Variants in CEP126 observed in about 807,000 individuals in gnomAD.
The protein encoded by CEP126 is centrosomal protein of 126 kDa.
A neutral mutation model predicts 107.8 loss-of-function variants in CEP126; 74 were observed. That is an observed-to-expected ratio of 0.69 (90% CI 0.57 to 0.83). CEP126 has a LOEUF of 0.83. Ranked by LOEUF, CEP126 falls within the 40% of genes least tolerant of loss-of-function variation. The pLI is 0.00. For missense variants in CEP126, 1,237 were observed against 1,281.9 expected (o/e 0.96, Z 0.53); for synonymous variants, 449 against 446.0 (o/e 1.01, Z -0.08).
intron 6 of CEP126, among the ~76,000 whole-genome samples, chr11:101,971,970 G>C (rs1006712021): frequency 6.6e-5 from 10 of 152,114 alleles, no homozygotes; most frequent in African/African-American, 2.4e-4. Flanking sequence ...TTAGCTGGGC[G>C]TGGTGGTGGG....
chr11:101,942,285 T>G (rs982457637), intron 2 of CEP126, among the ~76,000 whole-genome samples: 1 of 152,144 alleles, frequency 6.6e-6, no homozygotes, highest in African/African-American at 2.4e-5. Flanking sequence ...TGATCCACTT[T>G]GGGGTAATTT....
intron 7 of CEP126, among the ~76,000 whole-genome samples, chr11:101,978,982 A>T (rs1591292055): frequency 1.3e-5 from 2 of 151,738 alleles, no homozygotes; most frequent in Non-Finnish European, 2.9e-5. Context: ...ATACAAAAAA[A>T]TTAGCCAGGG....
Position 101,987,005 on chromosome 11 carries a change from C to G in CEP126, c.3208C>G (p.Leu1070Val). ...CTLSAEEQKILESLNDLSERL... is the reference protein window; with the variant it reads ...CTLSAEEQKIVESLNDLSERL... ...ACTGTCAGCTGAAGAACAGAAGATC[C>G]TAGAGTCCCTTAATGATCTCAGTGA... is the stretch of plus-strand genomic sequence containing the variant. Residue 1070 changes from leucine to valine, a missense_variant, in exon 9 of 11, where the codon CTA becomes GTA. Coordinates refer to ENST00000263468, the MANE Select transcript of CEP126 (RefSeq NM_020802.4). The G allele has an allele frequency of 1.9e-6, 3 of 1,612,916 alleles. No individual in the cohort carries two copies. The highest frequency in any genetic ancestry group is 1.3e-5 in the African/African-American group (1 of 74,996).
At chr11:101,978,325 A>C in intron 6 of CEP126, 22 bp from the exon 7 acceptor site, 1 of 1,520,450 alleles carries the variant, frequency 6.6e-7, no homozygotes, top group Non-Finnish European at 9.1e-7. Context: ...AATTTTTAAC[A>C]TTGTGCTGGC....
At chr11:101,974,196 T>C (rs376031444) in intron 6 of CEP126, among the ~76,000 whole-genome samples, 67 of 152,330 alleles carry the variant, frequency 4.4e-4, no homozygotes, top group African/African-American at 1.6e-3. Flanking sequence ...AAGGTCACTA[T>C]AATTTTGGAC....
intron 4 of CEP126, among the ~76,000 whole-genome samples, chr11:101,949,871 C>T (rs948643537): frequency 3.3e-5 from 5 of 152,156 alleles, no homozygotes; most frequent in Admixed American, 6.5e-5. Context: ...AGAAGAAGGA[C>T]GCTGGACAGG....
At chr11:101,917,038 G>A (rs1216572669) in intron 1 of CEP126, among the ~76,000 whole-genome samples, 17 of 130,114 alleles carry the variant, frequency 1.3e-4, no homozygotes, top group Non-Finnish European at 3.2e-5. Context: ...ATGTGTGTGT[G>A]TGTGTGTGTG....
At chr11:101,974,710 TG>T (rs1156864979) in intron 6 of CEP126, among the ~76,000 whole-genome samples, 2 of 152,194 alleles carry the variant, frequency 1.3e-5, no homozygotes, top group African/African-American at 2.4e-5. Flanking sequence ...ACTAGGAATT[TG>T]GCCAGAGATA....
chr11:101,922,256 C>G (rs1940340310), intron 1 of CEP126, among the ~76,000 whole-genome samples: 1 of 151,708 alleles, frequency 6.6e-6, no homozygotes, highest in South Asian at 2.1e-4. Flanking sequence ...CCTCCGCCTC[C>G]CGGGTTCAAG....
intron 2 of CEP126, among the ~76,000 whole-genome samples, chr11:101,938,085 G>A (rs950134634): frequency 2.0e-5 from 3 of 147,108 alleles, no homozygotes; most frequent in African/African-American, 5.0e-5. Flanking sequence ...CCCGGGAAGC[G>A]GAGCTTGCAG....
intron 9 of CEP126, among the ~76,000 whole-genome samples, chr11:101,991,256 CTACACACACA>C (rs1420856086): frequency 6.6e-6 from 1 of 151,992 alleles, no homozygotes; most frequent in Non-Finnish European, 1.5e-5. Context: ...CTACACACAC[CTACACACACA>C]TACACTCCAG....
chr11:101,960,717 A>G (rs2137110571), intron 5 of CEP126, among the ~76,000 whole-genome samples: 1 of 152,110 alleles, frequency 6.6e-6, no homozygotes, highest in East Asian at 1.9e-4. Flanking sequence ...ACTTACTGGG[A>G]TAGAAAAAGA....
At chr11:101,952,077 G>T (rs72970241) in intron 4 of CEP126, among the ~76,000 whole-genome samples, 2,255 of 152,250 alleles carry the variant, frequency 0.015, 21 homozygotes, top group Non-Finnish European at 0.022. Flanking sequence ...AAAGTGGCCC[G>T]AAGTTAGATA....
In CEP126 at chr11:102,000,417, TCATA is replaced by T. The variant is rs1367796485; in HGVS notation, c.*2776_*2779del. The stretch of plus-strand genomic sequence containing the variant: ...GTAATCTCAGGCCGGACATGCTGGC[TCATA>T]CCTGTAATCCCAGAACTTTGGGAGG... On this transcript the variant is annotated 3_prime_UTR_variant, in exon 11 of 11. Transcript: ENST00000263468. 2 of 152,066 alleles carry T rather than the reference TCATA, an allele frequency of 1.3e-5. No homozygotes were observed. Among genetic ancestry groups the T allele is most frequent in the Non-Finnish European group, 2.9e-5 (2 of 68,018 alleles). 9.4% of individuals were successfully genotyped at this position (152,066 alleles called of 1,614,324 possible).
chr11:101,981,093 G>T (rs1188352894), intron 7 of CEP126, among the ~76,000 whole-genome samples: 2 of 152,162 alleles, frequency 1.3e-5, no homozygotes, highest in African/African-American at 4.8e-5. Flanking sequence ...TTTTGCCAGT[G>T]TTCTGAGACT....
At chr11:101,978,698 A>G (rs559305486) in intron 7 of CEP126, among the ~76,000 whole-genome samples, 1 of 152,352 alleles carries the variant, frequency 6.6e-6, no homozygotes, top group South Asian at 2.1e-4. Flanking sequence ...ACTTTAAATC[A>G]TTATTATTAT....
intron 5 of CEP126, among the ~76,000 whole-genome samples, chr11:101,959,621 A>T (rs190178320): frequency 3.3e-4 from 50 of 152,368 alleles, no homozygotes; most frequent in African/African-American, 1.1e-3. Flanking sequence ...AGATGATGGA[A>T]TTAACCAACA....
At chr11:101,971,218 G>A (rs190836390) in intron 6 of CEP126, among the ~76,000 whole-genome samples, 16 of 151,926 alleles carry the variant, frequency 1.1e-4, no homozygotes, top group African/African-American at 3.9e-4. Flanking sequence ...CAGGTGCTCC[G>A]CCTCCCTAGG....
chr11:101,915,469 T>G, intron 1 of CEP126, 57 bp downstream of exon 1: 1 of 1,563,606 alleles, frequency 6.4e-7, no homozygotes, highest in Non-Finnish European at 8.7e-7. Flanking sequence ...GGGCCCATCT[T>G]TTTCCAATTA....
Sources: allele counts gnomAD v4.1 joint callset (sites outside exome capture counted in the v4.1 genomes callset), GRCh38; gene constraint gnomAD v4.1.1; transcripts MANE v1.5; gene names NCBI Gene and HGNC (gene_info 2026-07-23, HGNC 2026-07-21).